Variants in PPP3CA observed in about 807,000 individuals in gnomAD.
PPP3CA encodes the protein CAM-PRP catalytic subunit.
In PPP3CA, 14 loss-of-function variants were observed where a neutral mutation model predicts 66.5. That is an observed-to-expected ratio of 0.21 (90% CI 0.14 to 0.33). PPP3CA has a LOEUF of 0.33. Ranked by LOEUF, PPP3CA falls within the 10% of genes least tolerant of loss-of-function variation. PPP3CA has a pLI of 1.00. For missense variants in PPP3CA, 317 were observed against 639.5 expected, an observed-to-expected ratio of 0.50 and a Z score of 5.44; for synonymous variants, 232 against 226.2, an observed-to-expected ratio of 1.03 and a Z score of -0.23.
At chr4:101,129,175 T>C (rs1055156828) in intron 2 of PPP3CA, among the ~76,000 whole-genome samples, 1 of 152,116 alleles carries the variant, frequency 6.6e-6, no homozygotes, top group Non-Finnish European at 1.5e-5. Flanking sequence ...GCAATGACGA[T>C]GTAGCCAGAA....
At chr4:101,103,419 C>G (rs1006439639) in intron 3 of PPP3CA, among the ~76,000 whole-genome samples, 2 of 152,180 alleles carry the variant, frequency 1.3e-5, no homozygotes, top group African/African-American at 2.4e-5. Context: ...CTTGCCTGGT[C>G]TGACAAGCAT....
At chr4:101,098,244 T>A (rs1307124969) in intron 5 of PPP3CA, 123 bp downstream of exon 5, 26 of 1,110,700 alleles carry the variant, frequency 2.3e-5, no homozygotes, top group Non-Finnish European at 1.2e-6. Flanking sequence ...GAGCGATTCA[T>A]GACCACTTTA....
chr4:101,258,691 C>T (rs1202640561), intron 1 of PPP3CA, among the ~76,000 whole-genome samples: 1 of 152,002 alleles, frequency 6.6e-6, no homozygotes, highest in African/African-American at 2.4e-5. Context: ...CATCTCTTTA[C>T]CTGAAGAGCT....
chr4:101,113,777 C>T (rs1420200491), intron 2 of PPP3CA, among the ~76,000 whole-genome samples: 1 of 152,096 alleles, frequency 6.6e-6, no homozygotes, highest in Non-Finnish European at 1.5e-5. Context: ...CTATAATATT[C>T]ACTTACTATT....
At chr4:101,247,534 TTTTGTACTA>T (rs1726525871) in intron 1 of PPP3CA, among the ~76,000 whole-genome samples, 3 of 152,158 alleles carry the variant, frequency 2.0e-5, no homozygotes, top group African/African-American at 7.2e-5. Context: ...CTATTCTGCA[TTTTGTACTA>T]AACACAGTAT....
At chr4:101,323,575 T>C (rs2110324902) in intron 1 of PPP3CA, among the ~76,000 whole-genome samples, 1 of 152,320 alleles carries the variant, frequency 6.6e-6, no homozygotes, top group South Asian at 2.1e-4. Flanking sequence ...TCAAAAATCC[T>C]ATTTTAACCT....
intron 2 of PPP3CA, among the ~76,000 whole-genome samples, chr4:101,136,636 ATATGTGCTCTTCTGCTTG>A (rs1722631521): frequency 2.0e-5 from 3 of 151,822 alleles, no homozygotes; most frequent in South Asian, 2.1e-4. Flanking sequence ...TTGATGTATG[ATATGTGCTCTTCTGCTTG>A]TATGTTGGCA....
intron 1 of PPP3CA, among the ~76,000 whole-genome samples, chr4:101,242,345 G>C (rs1158995521): frequency 6.6e-6 from 1 of 151,948 alleles, no homozygotes; most frequent in Non-Finnish European, 1.5e-5. Context: ...ACATACTTAT[G>C]TGAGATGACC....
At chr4:101,199,617 A>G (rs1437224455) in intron 1 of PPP3CA, among the ~76,000 whole-genome samples, 2 of 152,216 alleles carry the variant, frequency 1.3e-5, no homozygotes, top group African/African-American at 2.4e-5. Context: ...AGCAAAGTAG[A>G]TAAAATCTGG....
chr4:101,331,949 G>A (rs961423189), intron 1 of PPP3CA, among the ~76,000 whole-genome samples: 4 of 152,066 alleles, frequency 2.6e-5, no homozygotes, highest in Admixed American at 6.6e-5. Flanking sequence ...TCAAGTGTTC[G>A]TTTTAGAAAA....
intron 13 of PPP3CA, among the ~76,000 whole-genome samples, chr4:101,028,768 A>G (rs1354247135): frequency 6.6e-6 from 1 of 152,174 alleles, no homozygotes; most frequent in East Asian, 1.9e-4. Context: ...TGAAGACTAG[A>G]ATTAAGATGG....
intron 1 of PPP3CA, among the ~76,000 whole-genome samples, chr4:101,297,184 C>T (rs560530182): frequency 4.6e-5 from 7 of 152,274 alleles, no homozygotes; most frequent in Non-Finnish European, 1.5e-5. Context: ...GAGACTGCTA[C>T]GTGACAAGTT....
intron 2 of PPP3CA, among the ~76,000 whole-genome samples, chr4:101,137,504 G>A (rs1363492142): frequency 6.6e-6 from 1 of 151,992 alleles, no homozygotes; most frequent in African/African-American, 2.4e-5. Flanking sequence ...GTGTGCTATT[G>A]GGAATCATGT....
intron 1 of PPP3CA, among the ~76,000 whole-genome samples, chr4:101,242,132 TG>T (rs1726330897): frequency 1.3e-5 from 2 of 151,956 alleles, no homozygotes; most frequent in African/African-American, 4.8e-5. Flanking sequence ...TGCTTAAAAA[TG>T]AAATTCTTAA....
intron 7 of PPP3CA, among the ~76,000 whole-genome samples, chr4:101,080,940 G>A (rs1236339526): frequency 6.6e-6 from 1 of 152,058 alleles, no homozygotes; most frequent in East Asian, 1.9e-4. Context: ...ACAGAAGGCT[G>A]ATTAGTGCAC....
chr4:101,062,494 A>T (rs936032961), intron 9 of PPP3CA, among the ~76,000 whole-genome samples: 1 of 152,000 alleles, frequency 6.6e-6, no homozygotes, highest in African/African-American at 2.4e-5. Context: ...TCACCTTCTC[A>T]TGGAAAGTAT....
chr4:101,060,620 A>T (rs1435401749), intron 10 of PPP3CA, among the ~76,000 whole-genome samples: 1 of 152,172 alleles, frequency 6.6e-6, no homozygotes, highest in African/African-American at 2.4e-5. Flanking sequence ...AGAAAGAAGA[A>T]ATATTGGGAT....
chr4:101,097,506 C>A (rs1017988896), intron 5 of PPP3CA, among the ~76,000 whole-genome samples: 2 of 152,006 alleles, frequency 1.3e-5, no homozygotes, highest in Non-Finnish European at 2.9e-5. Flanking sequence ...AAGAAATTAT[C>A]ATACTTTAAA....
chr4:101,068,603 A>T (rs1344717028), intron 8 of PPP3CA, among the ~76,000 whole-genome samples: 2 of 152,126 alleles, frequency 1.3e-5, no homozygotes, highest in Non-Finnish European at 2.9e-5. Flanking sequence ...ATTCACATAT[A>T]TGCATACTTT....
Sources: gnomAD v4.1 joint callset for allele counts (sites outside exome capture counted in the v4.1 genomes callset) on GRCh38, gnomAD v4.1.1 for gene constraint, MANE v1.5 for transcripts, NCBI Gene and HGNC (gene_info 2026-07-23, HGNC 2026-07-21) for gene names.